The following KDM4B variants were observed in gnomAD, a reference collection of about 807,000 sequenced individuals.
The protein encoded by KDM4B is lysine demethylase 4B.
Under a neutral mutation model 125.2 loss-of-function variants are expected in KDM4B, and 32 were observed. The ratio of observed to expected loss-of-function variants is 0.26; its 90% CI spans 0.19 to 0.34. The LOEUF (loss-of-function observed/expected upper bound fraction) is 0.34, where lower values mean the gene tolerates loss of function less well. Among genes scored for constraint, KDM4B ranks in the 10% least tolerant of loss-of-function variants. The pLI, the probability that KDM4B is intolerant of heterozygous loss-of-function variation, is 1.00. For synonymous variants in KDM4B, 721 were observed against 677.9 expected, an observed-to-expected ratio of 1.06 and a Z score of -0.99; for missense variants, 1,190 against 1,577.7, an observed-to-expected ratio of 0.75 and a Z score of 4.16.
At chr19:5,126,482 C>G (rs2039451558) in intron 11 of KDM4B, among the ~76,000 whole-genome samples, 1 of 152,190 alleles carries the variant, frequency 6.6e-6, no homozygotes, top group South Asian at 2.1e-4. Context: ...AGGATGGGGA[C>G]CCAGGAGGGC....
At chr19:5,130,679 C>T (rs900904786) in intron 11 of KDM4B, among the ~76,000 whole-genome samples, 2 of 152,250 alleles carry the variant, frequency 1.3e-5, no homozygotes, top group East Asian at 1.9e-4. Context: ...CCACCTCCAC[C>T]GGGAAAGTGC....
intron 2 of KDM4B, among the ~76,000 whole-genome samples, chr19:5,023,279 C>T (rs1243467290): frequency 6.6e-6 from 1 of 152,242 alleles, no homozygotes; most frequent in Non-Finnish European, 1.5e-5. Context: ...AAGGTTTTCT[C>T]TTTCCTGCCT....
At chr19:5,064,263 C>G (rs1220391844) in intron 6 of KDM4B, among the ~76,000 whole-genome samples, 2 of 152,242 alleles carry the variant, frequency 1.3e-5, no homozygotes, top group African/African-American at 4.8e-5. Context: ...TCGGGTACTT[C>G]CAGCGTGACG....
In KDM4B at chr19:5,150,426, G is replaced by A. The variant is rs1406469914; in HGVS notation, c.3090G>A (p.Leu1030=). 8 of 1,550,846 alleles carry A rather than the reference G, an allele frequency of 5.2e-6. No individual in the cohort carries two copies. Among genetic ancestry groups the A allele is most frequent in the Non-Finnish European group, 7.0e-6 (8 of 1,146,894 alleles). The part of the protein sequence containing the change: ...RGDIFTLEEE[L]PKRVRSRLSL... ...ACATCTTCACCCTGGAGGAGGAGCT[G>A]CCCAAGAGGGTCCGCTCTCGGCTGG... is the stretch of plus-strand genomic sequence containing the variant. Residue 1030 remains leucine (L), a synonymous_variant, in exon 22 of 23, where the codon CTG becomes CTA. Transcript: ENST00000159111.
rs769309496 is a variant in KDM4B, at chr19:5,151,511, G to C, written c.3291G>C (p.Ter1097TyrextTer45). Residue 1097 changes from the stop codon to tyrosine (Y), a stop_lost, in exon 23 of 23, where the codon TAG becomes TAC. Coordinates refer to ENST00000159111, the MANE Select transcript of KDM4B (RefSeq NM_015015.3). Reference protein sequence around the residue: ...QVQGRPGAPF* With the variant: ...QVQGRPGAPFY Reference sequence around the variant, plus strand: ...AGGGCCGGCCCGGAGCCCCCTTCTAGGACAGCTGGCCGCTCAGGCGACCCT... The same window carrying C: ...AGGGCCGGCCCGGAGCCCCCTTCTACGACAGCTGGCCGCTCAGGCGACCCT... 1 of 1,393,062 alleles carries C rather than the reference G, an allele frequency of 7.2e-7. No individual in the cohort carries two copies. The highest frequency in any genetic ancestry group is 1.5e-5 in the African/African-American group (1 of 66,836). 86.3% of individuals were successfully genotyped at this position (1,393,062 alleles called of 1,614,324 possible). A position where few individuals can be genotyped will look rare whatever the true frequency, so the allele number is the denominator to read the frequency against.
At chr19:5,051,310 G>C (rs2037215801) in intron 6 of KDM4B, among the ~76,000 whole-genome samples, 1 of 152,264 alleles carries the variant, frequency 6.6e-6, no homozygotes, top group African/African-American at 2.4e-5. Context: ...ACGCTGCCTG[G>C]GAAAGTGCCC....
intron 3 of KDM4B, among the ~76,000 whole-genome samples, chr19:5,034,730 C>A (rs558938496): frequency 6.6e-6 from 1 of 152,194 alleles, no homozygotes; most frequent in Non-Finnish European, 1.5e-5. Context: ...AGTGATCCTT[C>A]GGTATCAGAC....
intron 1 of KDM4B, among the ~76,000 whole-genome samples, chr19:5,008,707 C>T (rs2035636979): frequency 1.3e-5 from 2 of 150,386 alleles, no homozygotes; most frequent in Admixed American, 1.3e-4. Flanking sequence ...TCTCCTGCTT[C>T]AGTCCCCTGA....
At chr19:5,042,289 T>A (rs2036843185) in intron 5 of KDM4B, among the ~76,000 whole-genome samples, 1 of 152,000 alleles carries the variant, frequency 6.6e-6, no homozygotes, top group Non-Finnish European at 1.5e-5. Context: ...TCACTTGAGG[T>A]CAGGAGTTCA....
chr19:5,059,338 C>T lies in KDM4B; in HGVS notation c.626+11669C>T, dbSNP rs138814740. On this transcript the variant is annotated intron_variant, in intron 6 of 22. Coordinates refer to ENST00000159111, the MANE Select transcript of KDM4B (RefSeq NM_015015.3). ...CTGGCTGCCTTCTGATGAAACGGGG[C>T]GGGCGCAGGATGGGGCCGATGACAG... 5.6e-3 allele frequency among the ~76,000 whole-genome samples: 853 copies of T among 152,318 alleles called. 7 individuals carry two copies. Among genetic ancestry groups the T allele is most frequent in the African/African-American group, 0.019 (807 of 41,572 alleles).
At position 5,137,642 on chromosome 19, in the gene KDM4B, C is replaced by A; in HGVS notation, c.2407C>A (p.Arg803=). ...WTAECCLCNL[R]GGALQMTTDR... ...ACAGGAGTGCTGCCTGTGCAACCTG[C>A]GAGGAGGTGCGCTGCAGATGACCAC... Residue 803 remains arginine (R), a synonymous_variant, in exon 17 of 23, where the codon CGA becomes AGA. Coordinates refer to ENST00000159111, the MANE Select transcript of KDM4B (RefSeq NM_015015.3). The A allele has an allele frequency of 6.2e-7, 1 of 1,601,672 alleles. No homozygotes were observed. The highest frequency in any genetic ancestry group is 8.5e-7 in the Non-Finnish European group (1 of 1,177,766).
rs1386105449 is a variant in KDM4B, at chr19:5,022,321, C to T, written c.-26+5982C>T. On this transcript the variant is annotated intron_variant, in intron 2 of 22. Coordinates refer to ENST00000159111, the MANE Select transcript of KDM4B (RefSeq NM_015015.3). ...GCTCTGGGTCTTGTGCCTGTCCTTC[C>T]TCACACCACCTCTCTTGGGTACGTA... Among the ~76,000 whole-genome samples the T allele has an allele frequency of 1.1e-4, 16 of 152,154 alleles. 1 individual carries two copies. The highest frequency in any genetic ancestry group is 1.0e-3 in the Admixed American group (16 of 15,272).
chr19:5,047,812 C>T, intron 6 of KDM4B, 143 bp downstream of exon 6: 1 of 773,002 alleles, frequency 1.3e-6, no homozygotes, highest in Non-Finnish European at 2.1e-6. Context: ...TGGAGATCTT[C>T]CGGACCGCCT....
chr19:4,976,230 C>T (rs1413534712), intron 1 of KDM4B, among the ~76,000 whole-genome samples: 1 of 113,406 alleles, frequency 8.8e-6, no homozygotes, highest in East Asian at 2.6e-4. Flanking sequence ...GCCTGGGCGA[C>T]AAGAGGGAAA....
intron 2 of KDM4B, 77 bp from the exon 3 acceptor site, chr19:5,032,789 C>G: frequency 7.2e-7 from 1 of 1,380,112 alleles, no homozygotes; most frequent in Non-Finnish European, 1.0e-6. Flanking sequence ...TAGCACGCTC[C>G]GTTCTGAGGG....
intron 9 of KDM4B, among the ~76,000 whole-genome samples, chr19:5,096,735 T>A (rs1425878408): frequency 6.7e-6 from 1 of 148,666 alleles, no homozygotes; most frequent in Non-Finnish European, 1.5e-5. Context: ...GGAGGAAGTG[T>A]CCCGCGGTGC....
At chr19:5,044,189 C>T (rs55780541) in intron 5 of KDM4B, among the ~76,000 whole-genome samples, 2 of 56,820 alleles carry the variant, frequency 3.5e-5, no homozygotes, top group Non-Finnish European at 6.7e-5. Context: ...TTATCCCACG[C>T]GGTGTTTATC....
chr19:5,101,817 C>A (rs1025293520), intron 9 of KDM4B, among the ~76,000 whole-genome samples: 1 of 152,188 alleles, frequency 6.6e-6, no homozygotes, highest in Admixed American at 6.5e-5. Flanking sequence ...CACATCAGGC[C>A]CTTTGGGTCT....
In KDM4B at chr19:5,141,786, G is replaced by A. The variant is rs1353784064; in HGVS notation, c.2551-2181G>A. Among the ~76,000 whole-genome samples the A allele has an allele frequency of 2.6e-5, 4 of 152,180 alleles. No individual in the cohort carries two copies. The highest frequency in any genetic ancestry group is 5.9e-5 in the Non-Finnish European group (4 of 68,036). ...CTGAGAAGCTTCTCACCTACCGGCTGGGCAGGTTCCTGGCAGCAGGCAAAA... is the reference window on the plus strand; with the variant it reads ...CTGAGAAGCTTCTCACCTACCGGCTAGGCAGGTTCCTGGCAGCAGGCAAAA... On this transcript the variant is annotated intron_variant, in intron 18 of 22. Coordinates refer to ENST00000159111, the MANE Select transcript of KDM4B (RefSeq NM_015015.3). This position sits in a 1 kb window ranked among gnomAD's most constrained non-coding sequence, Gnocchi z 6.4.
Sources: allele counts gnomAD v4.1 joint callset (sites outside exome capture counted in the v4.1 genomes callset), GRCh38; gene constraint gnomAD v4.1.1; non-coding constraint Gnocchi (gnomAD v3.1); transcripts MANE v1.5; gene names NCBI Gene and HGNC (gene_info 2026-07-23, HGNC 2026-07-21).